Variants in BIRC6 observed in about 807,000 individuals in gnomAD.
BIRC6 encodes the protein dual E2 ubiquitin-conjugating enzyme/E3 ubiquitin-protein ligase BIRC6.
BIRC6 carries 98 observed loss-of-function variants against 503.3 expected under a neutral mutation model. That is an observed-to-expected ratio of 0.19 (90% CI 0.17 to 0.23). The LOEUF is 0.23. Ranked by LOEUF, BIRC6 falls within the 10% of genes least tolerant of loss-of-function variation. The pLI is 1.00. For synonymous variants in BIRC6, 2,240 were observed against 2,078.7 expected (o/e 1.08, Z -2.11); for missense variants, 5,360 against 5,806.0 (o/e 0.92, Z 2.50).
intron 46 of BIRC6, among the ~76,000 whole-genome samples, chr2:32,500,802 G>T (rs1242794426): frequency 6.6e-6 from 1 of 151,684 alleles, no homozygotes; most frequent in Non-Finnish European, 1.5e-5. Flanking sequence ...ATGGGGTTAT[G>T]CCATGTTGGG....
chr2:32,544,213 A>G (rs1273148593), intron 62 of BIRC6, among the ~76,000 whole-genome samples: 4 of 152,202 alleles, frequency 2.6e-5, no homozygotes, highest in African/African-American at 9.6e-5. Context: ...GAATAGCAAT[A>G]AAGGTTTATT....
chr2:32,503,792 A>G (rs1202373862), intron 49 of BIRC6, among the ~76,000 whole-genome samples: 2 of 152,122 alleles, frequency 1.3e-5, no homozygotes, highest in Non-Finnish European at 2.9e-5. Context: ...TAGAAGCACA[A>G]TTTAAGAAAC....
chr2:32,547,940 G>T lies in BIRC6; in HGVS notation c.12901G>T (p.Ala4301Ser). Residue 4301 changes from alanine (A) to serine (S), a missense_variant, in exon 64 of 74, where the codon GCT (alanine) becomes TCT (serine). Ala to Ser is a moderately conservative substitution (Grantham distance 99). This residue lies in a region of BIRC6 where 477 missense variants were observed against 574.4 expected (regional missense o/e 0.83). Coordinates refer to ENST00000421745, the MANE Select transcript of BIRC6 (RefSeq NM_016252.4). ...GACTGGCTTTGGAACAGGCTCTACA[G>T]CTTCTGGGTGGGATGTGGAACAAGC... ...KGTGFGTGST[A>S]SGWDVEQALT... is the part of the protein sequence containing the mutation. 1 of 1,613,772 alleles carries T rather than the reference G, an allele frequency of 6.2e-7. No homozygotes were observed. Among genetic ancestry groups the T allele is most frequent in the Non-Finnish European group, 8.5e-7 (1 of 1,179,796 alleles).
At chr2:32,611,408 C>A in intron 72 of BIRC6, 40 bp from the exon 73 acceptor site, 1 of 1,542,296 alleles carries the variant, frequency 6.5e-7, no homozygotes, top group South Asian at 1.3e-5. Flanking sequence ...TTAAATTTGA[C>A]TGTAAACACT....
At chr2:32,516,593 CA>C (rs370418768) in intron 55 of BIRC6, among the ~76,000 whole-genome samples, 44 of 135,812 alleles carry the variant, frequency 3.2e-4, no homozygotes, top group East Asian at 1.6e-3. Flanking sequence ...GACTCCATCT[CA>C]AAAAAAAAAA....
intron 33 of BIRC6, among the ~76,000 whole-genome samples, chr2:32,474,257 T>C (rs1390044696): frequency 6.6e-6 from 1 of 152,170 alleles, no homozygotes; most frequent in African/African-American, 2.4e-5. Context: ...GTTTTTCAGC[T>C]ATGAGCTAGT....
intron 1 of BIRC6, among the ~76,000 whole-genome samples, chr2:32,361,290 A>C (rs1360519247): frequency 6.6e-6 from 1 of 152,134 alleles, no homozygotes; most frequent in African/African-American, 2.4e-5. Context: ...TATAACAATG[A>C]GTATATTAGT....
At chr2:32,396,166 G>A (rs1020753343) in intron 6 of BIRC6, among the ~76,000 whole-genome samples, 1 of 152,124 alleles carries the variant, frequency 6.6e-6, no homozygotes, top group Admixed American at 6.6e-5. Flanking sequence ...AATACTTTAT[G>A]TATTTTTAAA....
At chr2:32,582,152 C>T (rs956903458) in intron 66 of BIRC6, among the ~76,000 whole-genome samples, 10 of 152,150 alleles carry the variant, frequency 6.6e-5, no homozygotes, top group Non-Finnish European at 1.5e-4. Context: ...AGCCACCGCG[C>T]CCGGCCTGAT....
At chr2:32,385,168 C>T (rs896353609) in intron 3 of BIRC6, among the ~76,000 whole-genome samples, 1 of 152,188 alleles carries the variant, frequency 6.6e-6, no homozygotes, top group Non-Finnish European at 1.5e-5. Flanking sequence ...CCATCCACTT[C>T]GGGGTAGTAC....
Position 32,357,601 on chromosome 2 carries a change from C to A in BIRC6, c.325+115C>A. 1 of 1,450,690 alleles carries A rather than the reference C, an allele frequency of 6.9e-7. No individual in the cohort carries two copies. The highest frequency in any genetic ancestry group is 1.4e-5 in the South Asian group (1 of 72,480). The allele number at this position is 1,450,690 out of a possible 1,614,324, so 89.9% of individuals were successfully genotyped here. On this transcript the variant is annotated intron_variant, in intron 1 of 73. Coordinates refer to ENST00000421745, the MANE Select transcript of BIRC6 (RefSeq NM_016252.4). This position sits in a 1 kb window ranked among gnomAD's most constrained non-coding sequence, Gnocchi z 4.9. ...TGGCGAGAGGGCAGGGCTGGGGGTT[C>A]GGGCCCAGCCGTGAAGGGAGGCCCG...
rs139766563 is a variant in BIRC6 at position 32,476,336 on chromosome 2, A to G, written c.6844A>G (p.Thr2282Ala). 1 of 1,577,590 alleles carries G rather than the reference A, an allele frequency of 6.3e-7. No individual in the cohort carries two copies. Among genetic ancestry groups the G allele is most frequent in the Admixed American group, 1.8e-5 (1 of 54,634 alleles). The change falls in exon 34 of 74, where the codon ACT (threonine) becomes GCT (alanine). Residue 2282 changes from threonine (T) to alanine (A), a missense_variant. Physicochemically the swap from Thr to Ala is moderately conservative, Grantham distance 58. Transcript: ENST00000421745. The stretch of plus-strand genomic sequence containing the variant: ...AGAACAAGCAAAACTAAAGCAGGCC[A>G]CTTCAAAGGTATGATCTATACTTTT... ...LVEQAKLKQATSKHFKDLIRL... is the reference protein window; with the variant it reads ...LVEQAKLKQAASKHFKDLIRL...
intron 50 of BIRC6, among the ~76,000 whole-genome samples, chr2:32,507,109 A>G (rs2053882008): frequency 6.6e-6 from 1 of 152,120 alleles, no homozygotes; most frequent in African/African-American, 2.4e-5. Context: ...TGATTTTTTA[A>G]AAAAAATCCT....
chr2:32,594,071 T>C lies in BIRC6; in HGVS notation c.13501+11T>C. On this transcript the variant is annotated intron_variant, in intron 67 of 73. Transcript: ENST00000421745. ...GGCAAGCAAATCAGGGTACAAAACT[T>C]TTCCTATTATGCCACTTTTCATTTG... 6.3e-7 allele frequency: 1 copy of C among 1,598,982 alleles called. No individual in the cohort carries two copies. The highest frequency in any genetic ancestry group is 8.5e-7 in the Non-Finnish European group (1 of 1,173,620).
chr2:32,595,198 AGT>A, intron 68 of BIRC6, 54 bp downstream of exon 68: 1 of 1,115,426 alleles, frequency 9.0e-7, no homozygotes, highest in South Asian at 1.5e-5. Flanking sequence ...TTTTTTTAAC[AGT>A]GCTATTGAAA....
intron 66 of BIRC6, among the ~76,000 whole-genome samples, chr2:32,579,972 T>G (rs78462174): frequency 6.7e-6 from 1 of 150,022 alleles, no homozygotes; most frequent in Admixed American, 6.6e-5. Context: ...TTTTTTTTTT[T>G]GGACAGAGTC....
intron 65 of BIRC6, among the ~76,000 whole-genome samples, chr2:32,556,475 T>G (rs1302177622): frequency 6.6e-6 from 1 of 152,200 alleles, no homozygotes; most frequent in Non-Finnish European, 1.5e-5. Flanking sequence ...TAAGAAAAGC[T>G]TAATCAGATT....
At chr2:32,592,020 A>G (rs948462537) in intron 66 of BIRC6, among the ~76,000 whole-genome samples, 1 of 152,246 alleles carries the variant, frequency 6.6e-6, no homozygotes, top group Non-Finnish European at 1.5e-5. Flanking sequence ...CTGTTAAACT[A>G]CAGTCTCACC....
rs538533961 is a variant in BIRC6 at position 32,583,892 on chromosome 2, G to A, written c.13355+8526G>A. On this transcript the variant is annotated intron_variant, in intron 66 of 73. Transcript: ENST00000421745. ...ACTACAGGCTCCCGCCACCACGCCC[G>A]GCTAATTTTTTTGTATTTTTGTAGA... Among the ~76,000 whole-genome samples the A allele has an allele frequency of 1.3e-3, 191 of 152,134 alleles. 1 individual carries two copies. The highest frequency in any genetic ancestry group is 4.4e-3 in the African/African-American group (181 of 41,498).
Sources: allele counts gnomAD v4.1 joint callset (sites outside exome capture counted in the v4.1 genomes callset), GRCh38; gene constraint gnomAD v4.1.1; regional missense constraint gnomAD v4.1.1; non-coding constraint Gnocchi (gnomAD v3.1); transcripts MANE v1.5; gene names NCBI Gene and HGNC (gene_info 2026-07-23, HGNC 2026-07-21).